Variants in DLG2 observed in about 807,000 individuals in gnomAD.
DLG2 encodes the protein discs large MAGUK scaffold protein 2.
DLG2 carries 45 observed loss-of-function variants against 132.5 expected under a neutral mutation model. That is an observed-to-expected ratio of 0.34 (90% confidence interval 0.27 to 0.44). The LOEUF (loss-of-function observed/expected upper bound fraction) is 0.44, where lower values mean the gene tolerates loss of function less well. Among genes scored for constraint, DLG2 ranks in the 20% least tolerant of loss-of-function variants. DLG2 has a pLI of 1.00. For synonymous variants in DLG2, 424 were observed against 419.6 expected, an observed-to-expected ratio of 1.01 and a Z score of -0.13; for missense variants, 1,045 against 1,196.9, an observed-to-expected ratio of 0.87 and a Z score of 1.87.
At chr11:84,849,023 G>C (rs1308108667) in intron 6 of DLG2, among the ~76,000 whole-genome samples, 2 of 152,186 alleles carry the variant, frequency 1.3e-5, no homozygotes, top group Non-Finnish European at 1.5e-5. Context: ...GAGGCCTGAA[G>C]TCACCATTTA....
In DLG2 at chr11:85,556,193, CATT is replaced by C. The variant is rs1165149906; in HGVS notation, c.40+42461_40+42463del. 2.0e-5 allele frequency among the ~76,000 whole-genome samples: 3 copies of C among 151,768 alleles called. 1 individual carries two copies. Among genetic ancestry groups the C allele is most frequent in the Non-Finnish European group, 4.4e-5 (3 of 67,848 alleles). On this transcript the variant is annotated intron_variant, in intron 3 of 27. Transcript: ENST00000376104. ...AGGAATCAAATACAAGAAGTCTACT[CATT>C]GCGTGTTTACTATTACAGTTATATA...
At chr11:84,701,214 C>A (rs11234135) in intron 6 of DLG2, among the ~76,000 whole-genome samples, 67,135 of 151,198 alleles carry the variant, frequency 0.44, 18,488 homozygotes, top group African/African-American at 0.79. Flanking sequence ...GTTATCTTAA[C>A]GTTGCACAAT....
chr11:83,705,588 C>A (rs974773390), intron 18 of DLG2, among the ~76,000 whole-genome samples: 1 of 151,962 alleles, frequency 6.6e-6, no homozygotes, highest in African/African-American at 2.4e-5. Context: ...AAACTTCTAA[C>A]CCTTTAAATT....
intron 3 of DLG2, among the ~76,000 whole-genome samples, chr11:85,437,584 C>CA (rs1323395937): frequency 6.6e-6 from 1 of 151,796 alleles, no homozygotes; most frequent in Non-Finnish European, 1.5e-5. Context: ...ATACACTACT[C>CA]AAAAAAAGAG....
intron 4 of DLG2, among the ~76,000 whole-genome samples, chr11:85,245,517 T>C (rs986058296): frequency 6.6e-6 from 1 of 152,026 alleles, no homozygotes; most frequent in African/African-American, 2.4e-5. Flanking sequence ...CACCCTGGTC[T>C]GACCCACACC....
Position 85,064,867 on chromosome 11 carries a change from C to A in DLG2, c.357+46794G>T, listed in dbSNP as rs1306735062. 7.9e-5 allele frequency among the ~76,000 whole-genome samples: 12 copies of A among 151,456 alleles called. No individual in the cohort carries two copies. The Admixed American group carries it at 7.9e-4, about 10-fold the overall frequency. On this transcript the variant is annotated intron_variant, in intron 6 of 27. Transcript: ENST00000376104. The stretch of plus-strand genomic sequence containing the variant: ...TAACATACAAATTCTGCCTTAGTTT[C>A]CACCCTTCCAGCCTCTCTCTCTTTC...
chr11:84,555,869 A>T (rs76991095), intron 6 of DLG2, among the ~76,000 whole-genome samples: 8,608 of 152,302 alleles, frequency 0.057, 292 homozygotes, highest in South Asian at 0.084. Flanking sequence ...GAATGGATTC[A>T]AAGGGAGAGG....
At chr11:85,188,937 G>A (rs1366317404) in intron 4 of DLG2, among the ~76,000 whole-genome samples, 4 of 152,112 alleles carry the variant, frequency 2.6e-5, no homozygotes, top group Non-Finnish European at 5.9e-5. Flanking sequence ...GTAAAAATAA[G>A]CCCCAAGCTT....
intron 7 of DLG2, among the ~76,000 whole-genome samples, chr11:84,395,254 A>G (rs1332074639): frequency 6.6e-6 from 1 of 152,082 alleles, no homozygotes; most frequent in Non-Finnish European, 1.5e-5. Context: ...ATTTTAAACA[A>G]TAAGTATTTT....
intron 8 of DLG2, among the ~76,000 whole-genome samples, chr11:84,224,058 C>T (rs2096955357): frequency 2.6e-5 from 4 of 152,168 alleles, no homozygotes; most frequent in Admixed American, 2.6e-4. Context: ...AGTGCTTCCC[C>T]ACCCATGCAA....
intron 19 of DLG2, among the ~76,000 whole-genome samples, chr11:83,545,295 AATAAT>A (rs2096208732): frequency 6.6e-6 from 1 of 152,194 alleles, no homozygotes; most frequent in South Asian, 2.1e-4. Flanking sequence ...GATTAAATGA[AATAAT>A]ATATGTAAAG....
intron 3 of DLG2, among the ~76,000 whole-genome samples, chr11:85,396,108 G>A (rs1231998303): frequency 5.9e-5 from 9 of 152,190 alleles, no homozygotes; most frequent in Non-Finnish European, 1.0e-4. Context: ...TGCAGCCTCC[G>A]CTGGTGATAC....
chr11:85,389,126 A>G (rs1292024138), intron 3 of DLG2, among the ~76,000 whole-genome samples: 2 of 152,148 alleles, frequency 1.3e-5, no homozygotes, highest in Non-Finnish European at 2.9e-5. Context: ...TAGGAATGGA[A>G]AAATCTCCAG....
rs180734298 is a variant in DLG2 at position 85,018,891 on chromosome 11, T to G, written c.357+92770A>C. Reference sequence around the variant, plus strand: ...AGGCTGTTCAAAAAATAACCCACAGTATCAACTTTAGAAAACAAATCTTAA... The same window carrying G: ...AGGCTGTTCAAAAAATAACCCACAGGATCAACTTTAGAAAACAAATCTTAA... On this transcript the variant is annotated intron_variant, in intron 6 of 27. Transcript: ENST00000376104. Among the ~76,000 whole-genome samples the G allele has an allele frequency of 3.9e-5, 6 of 151,978 alleles. No individual in the cohort carries two copies. The East Asian group carries it at 1.2e-3, about 29-fold the overall frequency.
chr11:83,881,923 G>C (rs1055709307), intron 15 of DLG2, among the ~76,000 whole-genome samples: 1 of 152,074 alleles, frequency 6.6e-6, no homozygotes. Flanking sequence ...AAAAAAGTAT[G>C]TATTAATAGT....
intron 16 of DLG2, among the ~76,000 whole-genome samples, chr11:83,861,668 G>A (rs770539935): frequency 4.6e-5 from 7 of 151,974 alleles, no homozygotes; most frequent in African/African-American, 1.2e-4. Context: ...TCTAAAATTC[G>A]AAACAATTGA....
intron 3 of DLG2, among the ~76,000 whole-genome samples, chr11:85,420,671 T>C (rs908069689): frequency 2.8e-4 from 43 of 152,234 alleles, no homozygotes; most frequent in African/African-American, 8.7e-4. Context: ...CTACAGTGGC[T>C]TTGCCAAGCT....
chr11:85,496,998 C>G lies in DLG2; in HGVS notation c.40+101659G>C, dbSNP rs541286506. Among the ~76,000 whole-genome samples the G allele has an allele frequency of 2.0e-5, 3 of 152,132 alleles. No homozygotes were observed. In the East Asian group the frequency reaches 5.8e-4, roughly 30 times the overall value. ...AACCACAGCAGAAAGGCTGAAAATT[C>G]CAAAAACCAGAATGCCTCTTCTCCT... On this transcript the variant is annotated intron_variant, in intron 3 of 27. Transcript: ENST00000376104.
intron 9 of DLG2, among the ~76,000 whole-genome samples, chr11:84,103,950 T>G (rs1461178935): frequency 1.3e-5 from 2 of 152,124 alleles, no homozygotes. Flanking sequence ...GACCTGATCA[T>G]TCGATTCTAG....
Sources: allele counts gnomAD v4.1 joint callset (sites outside exome capture counted in the v4.1 genomes callset), GRCh38; gene constraint gnomAD v4.1.1; transcripts MANE v1.5; gene names NCBI Gene and HGNC (gene_info 2026-07-23, HGNC 2026-07-21).